The following ZNF793 variants were observed in gnomAD, a reference collection of about 807,000 sequenced individuals.
ZNF793 encodes zinc finger protein 793.
A neutral mutation model predicts 12.4 loss-of-function variants in ZNF793; 5 were observed. The ratio of observed to expected loss-of-function variants is 0.40; its 90% CI spans 0.21 to 0.84. The LOEUF (loss-of-function observed/expected upper bound fraction) is 0.84. Among genes scored for constraint, ZNF793 ranks in the 40% least tolerant of loss-of-function variants. ZNF793 has a pLI of 0.35. For missense variants in ZNF793, 456 were observed against 495.0 expected, an observed-to-expected ratio of 0.92 and a Z score of 0.75; for synonymous variants, 162 against 172.4, an observed-to-expected ratio of 0.94 and a Z score of 0.47.
chr19:37,511,900 T>A (rs923549195), intron 2 of ZNF793, among the ~76,000 whole-genome samples: 4 of 152,090 alleles, frequency 2.6e-5, no homozygotes, highest in Admixed American at 2.6e-4. Flanking sequence ...TCTTAGTCTT[T>A]AGGGACTGAC....
rs183189493 is a variant in ZNF793 at position 37,536,979 on chromosome 19, A to G, written c.321A>G (p.Thr107=). The change falls in exon 8 of 8, where the codon ACA becomes ACG. Residue 107 remains threonine, a synonymous_variant. Transcript: ENST00000627814. ...CAGGCGCAGCCATAAGCAAGAAAAC[A>G]TTGCCCAAGGAGAAAAGCTGTGAAT... is the stretch of plus-strand genomic sequence containing the variant. ...LRPGAAISKK[T]LPKEKSCEYN... The G allele has an allele frequency of 4.3e-6, 7 of 1,614,028 alleles. No individual in the cohort carries two copies. The highest frequency in any genetic ancestry group is 4.0e-5 in the African/African-American group (3 of 75,072).
In ZNF793 at chr19:37,523,396, C is replaced by G. The variant is rs776607736; in HGVS notation, c.-30-14C>G. ...TCTCTCTTTCTCCATCTTCTTCCCCCCACATGTCTACAGGTGTCAGATCTT... is the reference window on the plus strand; with the variant it reads ...TCTCTCTTTCTCCATCTTCTTCCCCGCACATGTCTACAGGTGTCAGATCTT... On this transcript the variant is annotated splice_polypyrimidine_tract_variant and intron_variant, in intron 4 of 7. Coordinates refer to ENST00000627814, the MANE Select transcript of ZNF793 (RefSeq NM_001013659.3). 17 of 1,605,548 alleles carry G rather than the reference C, an allele frequency of 1.1e-5. No homozygotes were observed. Among genetic ancestry groups the G allele is most frequent in the Admixed American group, 3.3e-5 (2 of 59,982 alleles).
chr19:37,540,027 A>T lies in ZNF793; in HGVS notation c.*2148A>T, dbSNP rs2042541077. 1 of 152,160 alleles carries T rather than the reference A, an allele frequency of 6.6e-6. No individual in the cohort carries two copies. The highest frequency in any genetic ancestry group is 1.5e-5 in the Non-Finnish European group (1 of 68,024). 9.4% of individuals were successfully genotyped at this position (152,160 alleles called of 1,614,324 possible). A position where few individuals can be genotyped will look rare whatever the true frequency, so the allele number is the denominator to read the frequency against. Reference sequence around the variant, plus strand: ...GCTGGGTGCGGTGGCTCACGCCTGTAATCCCAACACTTTGGGAGGCCGAGG... The same window carrying T: ...GCTGGGTGCGGTGGCTCACGCCTGTTATCCCAACACTTTGGGAGGCCGAGG... On this transcript the variant is annotated 3_prime_UTR_variant, in exon 8 of 8. Transcript: ENST00000627814.
intron 5 of ZNF793, among the ~76,000 whole-genome samples, chr19:37,525,229 T>G (rs1600414002): frequency 6.6e-6 from 1 of 151,402 alleles, no homozygotes; most frequent in Admixed American, 6.6e-5. Flanking sequence ...AACTCCTCCT[T>G]CCGGGTTCAC....
chr19:37,532,003 CTCTTGCACAAAATTTTTTTTTTTTTT>C (rs2042465059), intron 5 of ZNF793, among the ~76,000 whole-genome samples: 1 of 150,038 alleles, frequency 6.7e-6, no homozygotes, highest in African/African-American at 2.4e-5. Context: ...TCAGCACCAT[CTCTTGCACAAAATTTTTTTTTTTTTT>C]TTTTGAGATG....
rs768121815 is a variant in ZNF793 at position 37,532,382 on chromosome 19, T to C, written c.42T>C (p.Val14=). 6 of 1,614,052 alleles carry C rather than the reference T, an allele frequency of 3.7e-6. No individual in the cohort carries two copies. Residue 14 remains valine, a synonymous_variant, in exon 6 of 8, where the codon GTT becomes GTC. Coordinates refer to ENST00000627814, the MANE Select transcript of ZNF793 (RefSeq NM_001013659.3). ...TACCTGTGTCATTCAAAGATGTGGT[T>C]GTGGGCTTCACCCAAGAGGAGTGGC... ...YQIPVSFKDV[V]VGFTQEEWHR...
At chr19:37,514,424 T>C (rs1210582478) in intron 2 of ZNF793, among the ~76,000 whole-genome samples, 2 of 152,122 alleles carry the variant, frequency 1.3e-5, no homozygotes, top group Non-Finnish European at 2.9e-5. Context: ...GGCGTGGTCT[T>C]GTACACCTAT....
intron 3 of ZNF793, among the ~76,000 whole-genome samples, chr19:37,521,273 C>A (rs899523581): frequency 6.6e-6 from 1 of 152,014 alleles, no homozygotes; most frequent in Admixed American, 6.6e-5. Context: ...AGGCGTGAGC[C>A]ACTGTGCCTG....
Position 37,537,433 on chromosome 19 carries a change from G to T in ZNF793, c.775G>T (p.Asp259Tyr). 6.2e-7 allele frequency: 1 copy of T among 1,613,458 alleles called. No homozygotes were observed. Among genetic ancestry groups the T allele is most frequent in the South Asian group, 1.1e-5 (1 of 90,994 alleles). Residue 259 changes from aspartate (D) to tyrosine (Y), a missense_variant, in exon 8 of 8, where the codon GAC becomes TAC. Transcript: ENST00000627814. ...TGGGGAGAAGCCTTATGGCTGCACT[G>T]ACTGTGGGAAAGCCTTTTCACATAA... is the stretch of plus-strand genomic sequence containing the variant. Reference protein sequence around the residue: ...HTGEKPYGCTDCGKAFSHKST... With the variant: ...HTGEKPYGCTYCGKAFSHKST...
rs1325487092 is a variant in ZNF793, at chr19:37,540,733, A to G, written c.*2854A>G. 6.6e-6 allele frequency: 1 copy of G among 152,044 alleles called. No homozygotes were observed. Among genetic ancestry groups the G allele is most frequent in the East Asian group, 1.9e-4 (1 of 5,204 alleles). The allele number at this position is 152,044 out of a possible 1,614,324, so 9.4% of individuals were successfully genotyped here. On this transcript the variant is annotated 3_prime_UTR_variant, in exon 8 of 8. Transcript: ENST00000627814. ...ATTTTTACTGATGATATGGTTGTAC[A>G]CCAATAAATGAAAAGACTATTTTTT...
intron 7 of ZNF793, 67 bp downstream of exon 7, chr19:37,533,470 ATTC>A: frequency 7.0e-7 from 1 of 1,424,114 alleles, no homozygotes; most frequent in Non-Finnish European, 9.9e-7. Flanking sequence ...TTTGTTCAGC[ATTC>A]TTCTCTTAAA....
chr19:37,523,001 G>A (rs1274206203), intron 4 of ZNF793, among the ~76,000 whole-genome samples: 1 of 152,078 alleles, frequency 6.6e-6, no homozygotes, highest in Non-Finnish European at 1.5e-5. Flanking sequence ...AAGAGATAAA[G>A]GGTATTTATT....
rs1006852728 is a variant in ZNF793 at position 37,537,073 on chromosome 19, T to A, written c.415T>A (p.Trp139Arg). The change falls in exon 8 of 8, where the codon TGG becomes AGG. Residue 139 changes from tryptophan (W) to arginine (R), a missense_variant. Transcript: ENST00000627814. ...TTCTTCAATCCAGAGCCCTAGTAAC[T>A]GGAACCCTTGTGGAAAGAATTTGAA... ...LFSSIQSPSN[W>R]NPCGKNLNHN... 2.5e-6 allele frequency: 4 copies of A among 1,613,708 alleles called. No individual in the cohort carries two copies. Among genetic ancestry groups the A allele is most frequent in the Non-Finnish European group, 3.4e-6 (4 of 1,179,820 alleles).
rs1324226602 is a variant in ZNF793, at chr19:37,539,492, A to G, written c.*1613A>G. On this transcript the variant is annotated 3_prime_UTR_variant, in exon 8 of 8. Transcript: ENST00000627814. Reference sequence around the variant, plus strand: ...AAATCCCAAGGTTTTAATTATTTCAATGTTTGGAAAGAAGTCTGCTTCCCT... The same window carrying G: ...AAATCCCAAGGTTTTAATTATTTCAGTGTTTGGAAAGAAGTCTGCTTCCCT... 6.6e-6 allele frequency: 1 copy of G among 152,188 alleles called. No homozygotes were observed. The highest frequency in any genetic ancestry group is 2.4e-5 in the African/African-American group (1 of 41,450). 9.4% of individuals were successfully genotyped at this position (152,188 alleles called of 1,614,324 possible).
intron 2 of ZNF793, among the ~76,000 whole-genome samples, chr19:37,515,549 C>T (rs1385514562): frequency 6.6e-6 from 1 of 152,100 alleles, no homozygotes; most frequent in African/African-American, 2.4e-5. Context: ...ACCTTGTGAT[C>T]CGCCCACCTC....
intron 2 of ZNF793, among the ~76,000 whole-genome samples, chr19:37,516,251 C>A (rs1410188892): frequency 6.6e-6 from 1 of 152,200 alleles, no homozygotes; most frequent in East Asian, 1.9e-4. Context: ...TCTTCTGCCT[C>A]AGCCTCCCAA....
chr19:37,529,441 A>T (rs1439797894), intron 5 of ZNF793, among the ~76,000 whole-genome samples: 1 of 151,046 alleles, frequency 6.6e-6, no homozygotes, highest in Non-Finnish European at 1.5e-5. Context: ...TTGAAAGTGC[A>T]TCTCTTGTAG....
In ZNF793 at chr19:37,537,572, A is replaced by G; in HGVS notation, c.914A>G (p.His305Arg). 5 of 1,614,194 alleles carry G rather than the reference A, an allele frequency of 3.1e-6. No homozygotes were observed. Among genetic ancestry groups the G allele is most frequent in the Middle Eastern group, 1.6e-4 (1 of 6,062 alleles). The change falls in exon 8 of 8, where the codon CAC becomes CGC. Residue 305 changes from histidine to arginine, a missense_variant. His to Arg is a conservative substitution (Grantham distance 29). Transcript: ENST00000627814. Reference protein sequence around the residue: ...KSHRTEHQRTHTGERPFVCSE... With the variant: ...KSHRTEHQRTRTGERPFVCSE... Reference sequence around the variant, plus strand: ...CACCGCACAGAACATCAGAGAACACACACAGGAGAGAGACCCTTTGTCTGC... The same window carrying G: ...CACCGCACAGAACATCAGAGAACACGCACAGGAGAGAGACCCTTTGTCTGC...
chr19:37,529,146 T>G (rs2042438107), intron 5 of ZNF793, among the ~76,000 whole-genome samples: 1 of 152,160 alleles, frequency 6.6e-6, no homozygotes, highest in South Asian at 2.1e-4. Context: ...TTTGTTTTGT[T>G]TTGTTGTTTT....
Sources: gnomAD v4.1 joint callset for allele counts (sites outside exome capture counted in the v4.1 genomes callset) on GRCh38, gnomAD v4.1.1 for gene constraint, MANE v1.5 for transcripts, NCBI Gene and HGNC (gene_info 2026-07-23, HGNC 2026-07-21) for gene names.